The following IFT122 variants were observed in gnomAD, a reference collection of about 807,000 sequenced individuals.
The protein encoded by IFT122 is intraflagellar transport protein 122 homolog.
A neutral mutation model predicts 161.6 loss-of-function variants in IFT122; 118 were observed. That is an observed-to-expected ratio of 0.73 (90% CI 0.63 to 0.85). The LOEUF is 0.85. IFT122 is among the 40% of genes least tolerant of loss of function. IFT122 has a pLI of 0.00. For synonymous variants in IFT122, 550 were observed against 602.4 expected (o/e 0.91, Z 1.27); for missense variants, 1,381 against 1,579.6 (o/e 0.87, Z 2.13).
Position 129,476,149 on chromosome 3 carries a change from C to T in IFT122, c.817-166C>T, listed in dbSNP as rs1577578640. On this transcript the variant is annotated intron_variant, in intron 9 of 29. Coordinates refer to ENST00000348417, the MANE Select transcript of IFT122 (RefSeq NM_052989.3). ...GAGGATGAGTAGGGAGATGCAGAGGCAGAGAGGCCTGTGTTCACCATGGGA... is the reference window on the plus strand; with the variant it reads ...GAGGATGAGTAGGGAGATGCAGAGGTAGAGAGGCCTGTGTTCACCATGGGA... 1.5e-5 allele frequency: 11 copies of T among 721,382 alleles called. No individual in the cohort carries two copies. The East Asian group carries it at 2.5e-4, about 16-fold the overall frequency. The allele number at this position is 721,382 out of a possible 1,614,324, so 44.7% of individuals were successfully genotyped here.
intron 21 of IFT122, among the ~76,000 whole-genome samples, chr3:129,505,566 A>C (rs977660804): frequency 1.3e-5 from 2 of 152,194 alleles, no homozygotes; most frequent in Non-Finnish European, 2.9e-5. Flanking sequence ...CTCAGACAAG[A>C]GGTTGTAGAT....
At chr3:129,460,826 G>C in intron 4 of IFT122, 1 of 1,585,228 alleles carries the variant, frequency 6.3e-7, no homozygotes, top group Non-Finnish European at 8.7e-7. Context: ...AGCTTTCATT[G>C]TTGTCTAAGG....
chr3:129,498,467 G>A (rs1200984308), intron 18 of IFT122, among the ~76,000 whole-genome samples: 2 of 152,208 alleles, frequency 1.3e-5, no homozygotes, highest in African/African-American at 4.8e-5. Context: ...CGGGGACAGC[G>A]GCTGCTTTCC....
chr3:129,478,266 C>T (rs549229771), intron 12 of IFT122, 48 bp downstream of exon 12: 28 of 1,166,852 alleles, frequency 2.4e-5, no homozygotes, highest in Admixed American at 4.0e-5. Flanking sequence ...CATTTGTGCT[C>T]CCCCCCCAGT....
At position 129,466,923 on chromosome 3, in the gene IFT122, TGAG is replaced by T; in HGVS notation, c.600_602del (p.Glu200del). 1 of 1,614,208 alleles carries T rather than the reference TGAG, an allele frequency of 6.2e-7. No homozygotes were observed. The highest frequency in any genetic ancestry group is 1.1e-5 in the South Asian group (1 of 91,084). On this transcript the variant is annotated inframe_deletion, in exon 8 of 30. Transcript: ENST00000348417. ...AGAGTTTCTGGATGAACAGAGAGAA[TGAG>T]GATGCCGAGGATGTCATTGTCAACA...
chr3:129,512,355 T>A lies in IFT122; in HGVS notation c.2930T>A (p.Ile977Asn). 2 of 1,614,130 alleles carry A rather than the reference T, an allele frequency of 1.2e-6. No individual in the cohort carries two copies. The highest frequency in any genetic ancestry group is 2.2e-5 in the South Asian group (2 of 91,078). Residue 977 changes from isoleucine to asparagine, a missense_variant, in exon 24 of 30, where the codon ATC becomes AAC. Physicochemically the swap from Ile to Asn is moderately radical, Grantham distance 149 (BLOSUM62 -3). Coordinates refer to ENST00000348417, the MANE Select transcript of IFT122 (RefSeq NM_052989.3). ...SVHRPETLFN[I>N]SRFLLHSLPK... ...CATCGTCCTGAAACTCTTTTCAACA[T>A]CTCCAGGTTCCTGCTGCACAGCCTG...
chr3:129,446,002 C>T (rs1198072866), intron 1 of IFT122, among the ~76,000 whole-genome samples: 1 of 152,144 alleles, frequency 6.6e-6, no homozygotes, highest in Admixed American at 6.5e-5. Flanking sequence ...TAAAATTTAA[C>T]CTGAGAGACT....
intron 27 of IFT122, among the ~76,000 whole-genome samples, chr3:129,518,742 A>G (rs6439184): frequency 0.34 from 52,159 of 151,408 alleles, 13,558 homozygotes; most frequent in African/African-American, 0.7. Flanking sequence ...GTCAGCAGGG[A>G]CTCTCGCCCC....
chr3:129,482,156 G>A (rs1276286250), intron 14 of IFT122, among the ~76,000 whole-genome samples: 1 of 152,236 alleles, frequency 6.6e-6, no homozygotes, highest in Admixed American at 6.5e-5. Flanking sequence ...GGGGGAAGGG[G>A]ATGGGCAAGC....
rs1246825834 is a variant in IFT122, at chr3:129,479,891, A to G, written c.1457A>G (p.Glu486Gly). 1 of 1,613,896 alleles carries G rather than the reference A, an allele frequency of 6.2e-7. No homozygotes were observed. The highest frequency in any genetic ancestry group is 2.2e-5 in the East Asian group (1 of 44,872). Residue 486 changes from glutamate to glycine, a missense_variant, in exon 13 of 30, where the codon GAA becomes GGA. Physicochemically the swap from Glu to Gly is moderately conservative, Grantham distance 98. Around this residue, in one of 7 missense-constraint regions of IFT122, gnomAD observed 544 missense variants for 648.0 expected, o/e 0.84. Coordinates refer to ENST00000348417, the MANE Select transcript of IFT122 (RefSeq NM_052989.3). Reference protein sequence around the residue: ...IKVIGGPPGREGLLVGLKNGQ... With the variant: ...IKVIGGPPGRGGLLVGLKNGQ... The stretch of plus-strand genomic sequence containing the variant: ...GTGATCGGTGGCCCTCCTGGAAGAG[A>G]AGGCCTCTTAGTGGGGCTGAAGAAT...
At chr3:129,488,709 C>A (rs1355046846) in intron 16 of IFT122, among the ~76,000 whole-genome samples, 1 of 152,100 alleles carries the variant, frequency 6.6e-6, no homozygotes, top group East Asian at 1.9e-4. Context: ...CTCTTATTAG[C>A]TGTTCTCTGT....
rs1193783825 is a variant in IFT122 at position 129,476,779 on chromosome 3, G to C, written c.1125G>C (p.Gln375His). The C allele has an allele frequency of 1.9e-6, 3 of 1,614,074 alleles. No homozygotes were observed. The highest frequency in any genetic ancestry group is 2.5e-6 in the Non-Finnish European group (3 of 1,180,052). The change falls in exon 11 of 30, where the codon CAG (glutamine) becomes CAC (histidine). Residue 375 changes from glutamine to histidine, a missense_variant. Physicochemically the swap from Gln to His is conservative, Grantham distance 24. Around this residue, in one of 7 missense-constraint regions of IFT122, gnomAD observed 544 missense variants for 648.0 expected, o/e 0.84. Transcript: ENST00000348417. ...ATAGCATGACTGACGTCATTGTGCA[G>C]CACCTGATCACTGAGCAGAAAGGTA... ...YRDSMTDVIVQHLITEQKVRI... is the reference protein window; with the variant it reads ...YRDSMTDVIVHHLITEQKVRI...
At chr3:129,518,447 A>T (rs1208845262) in intron 27 of IFT122, among the ~76,000 whole-genome samples, 4 of 152,194 alleles carry the variant, frequency 2.6e-5, no homozygotes, top group African/African-American at 9.6e-5. Context: ...TGCAGCTCCC[A>T]GGTGCTGCCA....
intron 12 of IFT122, among the ~76,000 whole-genome samples, chr3:129,478,938 A>G (rs1577627058): frequency 6.6e-6 from 1 of 152,168 alleles, no homozygotes; most frequent in East Asian, 1.9e-4. Flanking sequence ...ATAGAAAAAT[A>G]TTTCTCAAGA....
At chr3:129,454,476 C>T (rs1373165875) in intron 3 of IFT122, among the ~76,000 whole-genome samples, 2 of 147,220 alleles carry the variant, frequency 1.4e-5, no homozygotes, top group Non-Finnish European at 1.5e-5. Context: ...TAATTTCTTG[C>T]TTCATAGTCA....
intron 9 of IFT122, among the ~76,000 whole-genome samples, 174 bp downstream of exon 9, chr3:129,469,591 T>TA (rs1197684136): frequency 6.6e-6 from 1 of 152,224 alleles, no homozygotes; most frequent in Non-Finnish European, 1.5e-5. Context: ...TTTATTCTTA[T>TA]AAAACCCAAT....
At chr3:129,510,825 C>G (rs1441743494) in intron 23 of IFT122, among the ~76,000 whole-genome samples, 1 of 152,186 alleles carries the variant, frequency 6.6e-6, no homozygotes, top group Non-Finnish European at 1.5e-5. Context: ...CGTGACAGAC[C>G]CTGTGATGAG....
intron 4 of IFT122, chr3:129,459,276 C>T (rs1454648531): frequency 2.2e-6 from 1 of 452,636 alleles, no homozygotes; most frequent in East Asian, 7.0e-5. Flanking sequence ...ACAGATACTG[C>T]ATCTATTTTT....
chr3:129,484,205 G>A (rs1450608778), intron 15 of IFT122, among the ~76,000 whole-genome samples: 1 of 152,078 alleles, frequency 6.6e-6, no homozygotes, highest in Non-Finnish European at 1.5e-5. Flanking sequence ...GAAGGGTGGA[G>A]CCACAGAATG....
Sources: gnomAD v4.1 joint callset for allele counts (sites outside exome capture counted in the v4.1 genomes callset) on GRCh38, gnomAD v4.1.1 for gene constraint, gnomAD v4.1.1 regional missense constraint, MANE v1.5 for transcripts, NCBI Gene and HGNC (gene_info 2026-07-23, HGNC 2026-07-21) for gene names.